The following ST3GAL3 variants were observed in gnomAD, a reference collection of about 807,000 sequenced individuals.
ST3GAL3 encodes CMP-N-acetylneuraminate-beta-1,4-galactoside alpha-2,3-sialyltransferase.
Under a neutral mutation model 50.1 loss-of-function variants are expected in ST3GAL3, and 21 were observed. The ratio of observed to expected loss-of-function variants is 0.42; its 90% CI spans 0.30 to 0.60. ST3GAL3 has a LOEUF of 0.60. ST3GAL3 is among the 20% of genes least tolerant of loss of function. The pLI is 0.19. For synonymous variants in ST3GAL3, 183 were observed against 190.0 expected (o/e 0.96, Z 0.30); for missense variants, 353 against 489.4 (o/e 0.72, Z 2.63).
At chr1:43,814,972 G>A (rs1477723985) in intron 4 of ST3GAL3, 39 bp downstream of exon 4, 8 of 1,601,804 alleles carry the variant, frequency 5.0e-6, no homozygotes, top group Non-Finnish European at 6.8e-6. Flanking sequence ...CTGTGGCAGA[G>A]AGGTCTGTGA....
intron 4 of ST3GAL3, 130 bp from the exon 5 acceptor site, chr1:43,838,089 T>C: frequency 1.6e-6 from 1 of 612,784 alleles, no homozygotes; most frequent in Non-Finnish European, 2.7e-6. Flanking sequence ...CACTCCAGCC[T>C]GGGCAACAGA....
intron 2 of ST3GAL3, among the ~76,000 whole-genome samples, chr1:43,761,051 G>A (rs1690136372): frequency 6.6e-6 from 1 of 152,184 alleles, no homozygotes; most frequent in Admixed American, 6.5e-5. Context: ...AGTGGTTGGA[G>A]GGGATAGGAG....
At chr1:43,761,340 T>C (rs1264349505) in intron 2 of ST3GAL3, among the ~76,000 whole-genome samples, 1 of 152,028 alleles carries the variant, frequency 6.6e-6, no homozygotes, top group African/African-American at 2.4e-5. Context: ...TGTGGAAATA[T>C]GAATGTAGTT....
chr1:43,728,561 A>T (rs1674095208), intron 1 of ST3GAL3, among the ~76,000 whole-genome samples: 1 of 152,132 alleles, frequency 6.6e-6, no homozygotes, highest in Non-Finnish European at 1.5e-5. Flanking sequence ...CCTGGGCCAC[A>T]TAGCAAGACC....
Position 43,886,828 on chromosome 1 carries a change from G to A in ST3GAL3, c.303-7555G>A, listed in dbSNP as rs149928451. Among the ~76,000 whole-genome samples the A allele has an allele frequency of 2.4e-3, 368 of 152,324 alleles. 1 individual carries two copies. The highest frequency in any genetic ancestry group is 8.5e-3 in the African/African-American group (353 of 41,560). The stretch of plus-strand genomic sequence containing the variant: ...GGTAGCTAAAGCGGGTACATGGCCA[G>A]GACGCTTTGTCGAATTTGTTTGTTT... On this transcript the variant is annotated intron_variant, in intron 5 of 11. Transcript: ENST00000347631.
chr1:43,884,418 A>G (rs1486363270), intron 5 of ST3GAL3, among the ~76,000 whole-genome samples: 1 of 152,236 alleles, frequency 6.6e-6, no homozygotes, highest in African/African-American at 2.4e-5. Context: ...CATATTTGAC[A>G]GGGCATTTAG....
At chr1:43,847,568 G>T (rs2066470346) in intron 5 of ST3GAL3, among the ~76,000 whole-genome samples, 2 of 152,168 alleles carry the variant, frequency 1.3e-5, no homozygotes. Context: ...ATTCATATGA[G>T]GTGCCTAGAG....
At chr1:43,831,093 A>G (rs1265899969) in intron 4 of ST3GAL3, among the ~76,000 whole-genome samples, 1 of 152,204 alleles carries the variant, frequency 6.6e-6, no homozygotes, top group Non-Finnish European at 1.5e-5. Context: ...GAGTTAAGGA[A>G]ACCAGTTGTG....
intron 4 of ST3GAL3, among the ~76,000 whole-genome samples, chr1:43,817,823 T>TC (rs1558441358): frequency 2.0e-4 from 25 of 124,904 alleles, no homozygotes; most frequent in African/African-American, 7.5e-4. Context: ...CTCCTCCTTC[T>TC]CTTCCTTCCT....
intron 1 of ST3GAL3, among the ~76,000 whole-genome samples, chr1:43,723,255 C>G (rs567328758): frequency 6.6e-6 from 1 of 151,962 alleles, no homozygotes; most frequent in Non-Finnish European, 1.5e-5. Flanking sequence ...ATTACAGGCA[C>G]GCACCACCAC....
chr1:43,921,258 CAAAA>C (rs1239672314), intron 11 of ST3GAL3, among the ~76,000 whole-genome samples: 1 of 152,146 alleles, frequency 6.6e-6, no homozygotes, highest in Non-Finnish European at 1.5e-5. Context: ...TATTTTCCCT[CAAAA>C]AACCCACAAC....
chr1:43,924,600 C>T (rs373045111), intron 11 of ST3GAL3, among the ~76,000 whole-genome samples: 3 of 152,126 alleles, frequency 2.0e-5, no homozygotes, highest in South Asian at 4.2e-4. Context: ...GGAGAGGGGG[C>T]GAGGCAGGAA....
intron 3 of ST3GAL3, among the ~76,000 whole-genome samples, chr1:43,798,189 G>A (rs1331207063): frequency 6.6e-6 from 1 of 151,876 alleles, no homozygotes; most frequent in Non-Finnish European, 1.5e-5. Context: ...TTCTTCTCTA[G>A]CCGCTTCTTT....
At chr1:43,912,436 CA>C (rs1345051326) in intron 9 of ST3GAL3, 1 of 152,080 alleles carries the variant, frequency 6.6e-6, no homozygotes, top group Non-Finnish European at 1.5e-5. Context: ...ATTGTCAACA[CA>C]AGCTGTTGCA....
chr1:43,796,391 T>C (rs2058687649), intron 3 of ST3GAL3, among the ~76,000 whole-genome samples: 2 of 152,140 alleles, frequency 1.3e-5, no homozygotes, highest in Non-Finnish European at 2.9e-5. Flanking sequence ...TTTAAGTTAT[T>C]TATGGACTTC....
intron 5 of ST3GAL3, among the ~76,000 whole-genome samples, chr1:43,860,542 A>G (rs1029231497): frequency 6.6e-6 from 1 of 152,258 alleles, no homozygotes; most frequent in Non-Finnish European, 1.5e-5. Context: ...AGTGAGGTTC[A>G]GGAGCAAAGG....
intron 9 of ST3GAL3, among the ~76,000 whole-genome samples, chr1:43,917,649 AATATAAT>A (rs1186604713): frequency 2.5e-4 from 17 of 68,562 alleles, no homozygotes; most frequent in African/African-American, 8.0e-4. Context: ...TATAATATAT[AATATAAT>A]ATATAATATA....
At chr1:43,735,408 G>A (rs747361540) in intron 1 of ST3GAL3, among the ~76,000 whole-genome samples, 15 of 152,198 alleles carry the variant, frequency 9.9e-5, no homozygotes, top group Non-Finnish European at 1.8e-4. Context: ...TATGGCGGAG[G>A]GGGAATTTGG....
chr1:43,809,251 T>C (rs1345654748), intron 3 of ST3GAL3, among the ~76,000 whole-genome samples: 1 of 151,756 alleles, frequency 6.6e-6, no homozygotes, highest in African/African-American at 2.4e-5. Flanking sequence ...ATGAGAATAT[T>C]AAGGAAAGGC....
Sources: allele counts gnomAD v4.1 joint callset (sites outside exome capture counted in the v4.1 genomes callset), GRCh38; gene constraint gnomAD v4.1.1; transcripts MANE v1.5; gene names NCBI Gene and HGNC (gene_info 2026-07-23, HGNC 2026-07-21).